The following DPYD variants were observed in gnomAD, a reference collection of about 807,000 sequenced individuals.
DPYD encodes the protein dihydropyrimidine dehydrogenase.
DPYD carries 109 observed loss-of-function variants against 116.2 expected under a neutral mutation model. That is an observed-to-expected ratio of 0.94 (90% CI 0.80 to 1.10). The LOEUF (loss-of-function observed/expected upper bound fraction) is 1.10. DPYD is among the 50% of genes least tolerant of loss of function. The pLI is 0.00. For missense variants in DPYD, 1,302 were observed against 1,254.5 expected (o/e 1.04, Z -0.57); for synonymous variants, 440 against 432.0 (o/e 1.02, Z -0.23).
At chr1:97,451,336 G>A (rs1676401693) in intron 13 of DPYD, among the ~76,000 whole-genome samples, 1 of 152,112 alleles carries the variant, frequency 6.6e-6, no homozygotes, top group Non-Finnish European at 1.5e-5. Flanking sequence ...TCCTGAATCT[G>A]CCAAATGCTA....
chr1:97,549,523 G>C, intron 12 of DPYD, 37 bp downstream of exon 12: 1 of 1,604,562 alleles, frequency 6.2e-7, no homozygotes, highest in Non-Finnish European at 8.5e-7. Context: ...CTTATCCATT[G>C]GAAAAGAATT....
At chr1:97,583,045 T>C (rs1437340456) in intron 10 of DPYD, among the ~76,000 whole-genome samples, 1 of 152,138 alleles carries the variant, frequency 6.6e-6, no homozygotes, top group Non-Finnish European at 1.5e-5. Context: ...CTCCACTCAT[T>C]GCGAGCTCTG....
intron 3 of DPYD, among the ~76,000 whole-genome samples, chr1:97,760,087 G>A (rs1665488765): frequency 6.6e-6 from 1 of 152,106 alleles, no homozygotes; most frequent in Admixed American, 6.6e-5. Context: ...GAAGCAGAAT[G>A]GGCAGAGGCA....
At chr1:97,373,889 A>T (rs1429798259) in intron 15 of DPYD, among the ~76,000 whole-genome samples, 1 of 152,118 alleles carries the variant, frequency 6.6e-6, no homozygotes, top group African/African-American at 2.4e-5. Context: ...ACTGCTCTAT[A>T]TGTTTTATAT....
At chr1:97,855,395 T>A (rs1300351546) in intron 2 of DPYD, 1 of 152,106 alleles carries the variant, frequency 6.6e-6, no homozygotes, top group Non-Finnish European at 1.5e-5. Flanking sequence ...TACTGGAGTT[T>A]TTGTCACTTT....
chr1:97,528,760 C>T (rs981641828), intron 12 of DPYD, among the ~76,000 whole-genome samples: 8 of 152,124 alleles, frequency 5.3e-5, no homozygotes, highest in African/African-American at 1.9e-4. Flanking sequence ...TGACTCCATT[C>T]TCTTTGCCAC....
chr1:97,697,200 AT>A (rs1266223209), intron 6 of DPYD, among the ~76,000 whole-genome samples: 6 of 152,174 alleles, frequency 3.9e-5, no homozygotes, highest in Admixed American at 1.3e-4. Context: ...AACATTAAAA[AT>A]AATTGATGTG....
chr1:97,700,566 C>T (rs535930447), intron 5 of DPYD, among the ~76,000 whole-genome samples: 1 of 152,092 alleles, frequency 6.6e-6, no homozygotes, highest in East Asian at 1.9e-4. Flanking sequence ...GATCAGTCCT[C>T]ACTGTTATCT....
In DPYD at chr1:97,374,034, T is replaced by C. The variant is rs972995229; in HGVS notation, c.1975-390A>G. On this transcript the variant is annotated intron_variant, in intron 15 of 22. Transcript: ENST00000370192. The stretch of plus-strand genomic sequence containing the variant: ...AGTAGAGATTGTAACTCAGATCTGT[T>C]TGACATCACATTTATTCCTTCCTAA... Among the ~76,000 whole-genome samples, 8 of 152,232 alleles carry C rather than the reference T, an allele frequency of 5.3e-5. No homozygotes were observed. In the South Asian group the frequency reaches 1.0e-3, roughly 20 times the overall value.
intron 20 of DPYD, among the ~76,000 whole-genome samples, chr1:97,149,505 A>T (rs1025556266): frequency 6.6e-6 from 1 of 152,146 alleles, no homozygotes; most frequent in Non-Finnish European, 1.5e-5. Flanking sequence ...TGCCCATCTC[A>T]GCCTCCCAAA....
chr1:97,841,320 A>G (rs1469007172), intron 2 of DPYD, among the ~76,000 whole-genome samples: 1 of 152,076 alleles, frequency 6.6e-6, no homozygotes, highest in Non-Finnish European at 1.5e-5. Flanking sequence ...ATTATCACAG[A>G]GACAAGAGAA....
chr1:97,146,943 A>G (rs1402527752), intron 20 of DPYD, among the ~76,000 whole-genome samples: 1 of 152,238 alleles, frequency 6.6e-6, no homozygotes, highest in Non-Finnish European at 1.5e-5. Context: ...AAGAGTCAGA[A>G]GAACTGCATG....
intron 4 of DPYD, among the ~76,000 whole-genome samples, chr1:97,722,783 C>A (rs1317664704): frequency 1.3e-5 from 2 of 151,472 alleles, no homozygotes; most frequent in Non-Finnish European, 3.0e-5. Context: ...ATATCCCCAG[C>A]ACTTTAAAAG....
At chr1:97,158,729 T>C (rs534831517) in intron 20 of DPYD, among the ~76,000 whole-genome samples, 5 of 152,008 alleles carry the variant, frequency 3.3e-5, no homozygotes, top group African/African-American at 9.6e-5. Flanking sequence ...ATCTAGAAAC[T>C]GGGGAGATAT....
At chr1:97,615,990 C>T (rs1336227225) in intron 8 of DPYD, among the ~76,000 whole-genome samples, 6 of 152,054 alleles carry the variant, frequency 3.9e-5, no homozygotes, top group African/African-American at 9.7e-5. Flanking sequence ...GCATATGATA[C>T]GTTAACTCCT....
intron 14 of DPYD, among the ~76,000 whole-genome samples, chr1:97,393,574 C>G (rs1570656582): frequency 6.6e-6 from 1 of 151,836 alleles, no homozygotes; most frequent in South Asian, 2.1e-4. Context: ...ATAGTTTGCT[C>G]AGAATGATGG....
intron 3 of DPYD, among the ~76,000 whole-genome samples, chr1:97,800,439 C>A (rs1481608892): frequency 1.3e-5 from 2 of 151,862 alleles, no homozygotes; most frequent in Non-Finnish European, 2.9e-5. Flanking sequence ...GAAAACTAGC[C>A]TCATGGTCTA....
chr1:97,792,732 A>C (rs1187125910), intron 3 of DPYD, among the ~76,000 whole-genome samples: 1 of 152,204 alleles, frequency 6.6e-6, no homozygotes, highest in African/African-American at 2.4e-5. Flanking sequence ...ATGACACTTC[A>C]TCTTAGTTCT....
At chr1:97,114,716 AAT>A (rs1472411852) in intron 20 of DPYD, among the ~76,000 whole-genome samples, 2 of 152,164 alleles carry the variant, frequency 1.3e-5, no homozygotes, top group African/African-American at 4.8e-5. Context: ...TATGGCAGCC[AAT>A]AGTCTGAGGA....
Sources: allele counts gnomAD v4.1 joint callset (sites outside exome capture counted in the v4.1 genomes callset), GRCh38; gene constraint gnomAD v4.1.1; transcripts MANE v1.5; gene names NCBI Gene and HGNC (gene_info 2026-07-23, HGNC 2026-07-21).